PTGER3: variants seen among roughly 807,000 people sequenced by gnomAD.
The protein encoded by PTGER3 is prostaglandin E receptor 3.
A neutral mutation model predicts 34.7 loss-of-function variants in PTGER3; 22 were observed. That is an observed-to-expected ratio of 0.63 (90% confidence interval 0.45 to 0.91). The LOEUF is 0.91. Ranked by LOEUF, PTGER3 falls within the 40% of genes least tolerant of loss-of-function variation. The probability of loss-of-function intolerance (pLI) is 0.00; values close to 1 mark genes in which losing one functional copy is unlikely to be tolerated. For synonymous variants in PTGER3, 241 were observed against 230.1 expected, an observed-to-expected ratio of 1.05 and a Z score of -0.43; for missense variants, 468 against 519.4, an observed-to-expected ratio of 0.90 and a Z score of 0.96.
chr1:70,923,631 G>A (rs970063962), intron 4 of PTGER3, among the ~76,000 whole-genome samples: 17 of 152,126 alleles, frequency 1.1e-4, no homozygotes, highest in African/African-American at 4.1e-4. Flanking sequence ...GAAGTCTAAA[G>A]TAATCTTTTA....
chr1:70,896,152 T>C (rs760208352), intron 4 of PTGER3, among the ~76,000 whole-genome samples: 1 of 152,224 alleles, frequency 6.6e-6, no homozygotes, highest in Non-Finnish European at 1.5e-5. Context: ...TTAATTAAAT[T>C]ACTAGTTGGC....
At chr1:70,940,236 G>A (rs941661142) in intron 4 of PTGER3, among the ~76,000 whole-genome samples, 2 of 152,064 alleles carry the variant, frequency 1.3e-5, no homozygotes, top group Admixed American at 6.6e-5. Context: ...CTCCACCTGA[G>A]ACCACCTCAG....
At chr1:70,938,103 G>T (rs7516479) in intron 4 of PTGER3, among the ~76,000 whole-genome samples, 1 of 151,950 alleles carries the variant, frequency 6.6e-6, no homozygotes, top group African/African-American at 2.4e-5. Context: ...TGTGTGTTTT[G>T]GTGGGGGGTG....
chr1:70,888,510 GTGTTTGT>G (rs948723784), intron 4 of PTGER3, among the ~76,000 whole-genome samples: 1 of 150,856 alleles, frequency 6.6e-6, no homozygotes, highest in African/African-American at 2.5e-5. Context: ...TTGTGTGTGT[GTGTTTGT>G]TAAGAGCCCA....
intron 4 of PTGER3, among the ~76,000 whole-genome samples, chr1:70,875,859 T>C (rs1646261474): frequency 1.3e-5 from 2 of 152,220 alleles, no homozygotes; most frequent in African/African-American, 4.8e-5. Context: ...TTTAGGTTGA[T>C]TCCATGTCTT....
At chr1:70,926,010 G>A (rs931044857) in intron 4 of PTGER3, among the ~76,000 whole-genome samples, 1 of 152,126 alleles carries the variant, frequency 6.6e-6, no homozygotes, top group Non-Finnish European at 1.5e-5. Context: ...ATTAGGCAAA[G>A]GATGTCACTG....
chr1:70,864,405 A>G (rs1645996310), intron 4 of PTGER3, among the ~76,000 whole-genome samples: 1 of 152,202 alleles, frequency 6.6e-6, no homozygotes, highest in Non-Finnish European at 1.5e-5. Context: ...GTTGACTAAT[A>G]ACTTTTTGCT....
intron 1 of PTGER3, among the ~76,000 whole-genome samples, chr1:71,017,222 G>C (rs1657989588): frequency 6.6e-6 from 1 of 152,086 alleles, no homozygotes; most frequent in Non-Finnish European, 1.5e-5. Context: ...TTTCCCAGCT[G>C]TGGCCAGAGG....
At chr1:70,941,739 C>G (rs1167543043) in intron 4 of PTGER3, among the ~76,000 whole-genome samples, 1 of 152,152 alleles carries the variant, frequency 6.6e-6, no homozygotes, top group African/African-American at 2.4e-5. Context: ...TAAAATATCA[C>G]TGGAATCTGT....
At chr1:70,939,807 C>T (rs746669805) in intron 4 of PTGER3, among the ~76,000 whole-genome samples, 7 of 152,142 alleles carry the variant, frequency 4.6e-5, no homozygotes, top group African/African-American at 7.2e-5. Flanking sequence ...CAGTTTCCTC[C>T]TGGGCCTCTG....
At position 71,047,531 on chromosome 1, in the gene PTGER3, C is replaced by T. The variant is rs200764199; in HGVS notation, c.47G>A (p.Arg16His). ...CATGCCTGTGTAGGAGTGGTTGAGGCGGGTGCAGAAGGGGGCATCCCCTCC... is the reference window on the plus strand; with the variant it reads ...CATGCCTGTGTAGGAGTGGTTGAGGTGGGTGCAGAAGGGGGCATCCCCTCC... ...GYGGDAPFCT[R>H]LNHSYTGMWA... Residue 16 changes from arginine (R) to histidine (H), a missense_variant, in exon 1 of 4, where the codon CGC becomes CAC. Transcript: ENST00000306666. The T allele has an allele frequency of 3.1e-5, 49 of 1,587,894 alleles. No individual in the cohort carries two copies. In the East Asian group the frequency reaches 1.0e-3, roughly 33 times the overall value.
chr1:70,934,452 T>C (rs1649016594), intron 4 of PTGER3, among the ~76,000 whole-genome samples: 1 of 152,216 alleles, frequency 6.6e-6, no homozygotes, highest in Non-Finnish European at 1.5e-5. Flanking sequence ...AAATTTAGTT[T>C]GGCAACACTA....
chr1:71,034,084 G>C (rs1659623766), intron 1 of PTGER3, among the ~76,000 whole-genome samples: 1 of 151,988 alleles, frequency 6.6e-6, no homozygotes, highest in Admixed American at 6.6e-5. Context: ...TATCTGGCCA[G>C]CATTTTGATA....
At chr1:70,921,010 T>C (rs1351999222) in intron 4 of PTGER3, among the ~76,000 whole-genome samples, 1 of 152,214 alleles carries the variant, frequency 6.6e-6, no homozygotes, top group African/African-American at 2.4e-5. Context: ...CTATCACTGT[T>C]AAAATCCTTC....
intron 2 of PTGER3, chr1:71,007,392 G>C: frequency 1.0e-6 from 1 of 985,808 alleles, no homozygotes; most frequent in South Asian, 4.7e-5. Context: ...TGGGAAGGAA[G>C]AGAGTTCAGC....
At chr1:71,020,531 G>A (rs1015133382) in intron 1 of PTGER3, among the ~76,000 whole-genome samples, 3 of 151,884 alleles carry the variant, frequency 2.0e-5, no homozygotes, top group African/African-American at 4.8e-5. Context: ...ATTTCATTTG[G>A]CAAATAATTA....
chr1:70,968,808 TGTATGA>T (rs1297693546), downstream of PTGER3, among the ~76,000 whole-genome samples: 4 of 151,852 alleles, frequency 2.6e-5, no homozygotes, highest in Non-Finnish European at 5.9e-5. Flanking sequence ...TATTTCTCAT[TGTATGA>T]GAAGTATCTT....
intron 2 of PTGER3, chr1:71,010,931 A>C (rs1205448992): frequency 2.0e-6 from 2 of 985,248 alleles, no homozygotes; most frequent in African/African-American, 1.7e-5. Context: ...AGTATAAATA[A>C]ATCTCAAGCT....
At chr1:70,903,467 A>G (rs1646882395) in intron 4 of PTGER3, among the ~76,000 whole-genome samples, 1 of 152,222 alleles carries the variant, frequency 6.6e-6, no homozygotes, top group Admixed American at 6.5e-5. Context: ...TTCTCATGAC[A>G]AAACAATAGG....
Sources: allele counts gnomAD v4.1 joint callset (sites outside exome capture counted in the v4.1 genomes callset), GRCh38; gene constraint gnomAD v4.1.1; transcripts MANE v1.5; gene names NCBI Gene and HGNC (gene_info 2026-07-23, HGNC 2026-07-21).